MARVELD2: variants seen among roughly 807,000 people sequenced by gnomAD.
MARVELD2 encodes MARVEL domain containing 2.
Under a neutral mutation model 57.6 loss-of-function variants are expected in MARVELD2, and 49 were observed. The observed-to-expected ratio is 0.85, with a 90% CI of 0.68 to 1.08. MARVELD2 has a LOEUF of 1.08. Ranked by LOEUF, MARVELD2 falls within the 50% of genes least tolerant of loss-of-function variation. MARVELD2 has a pLI of 0.00. For synonymous variants in MARVELD2, 238 were observed against 258.8 expected (o/e 0.92, Z 0.77); for missense variants, 606 against 701.1 (o/e 0.86, Z 1.53).
At position 69,444,024 on chromosome 5, in the gene MARVELD2, G is replaced by GAAAAAAAAAAAAAAAAAAAAAAAAAAA. The variant is rs1767401077; in HGVS notation, c.*2370_*2371insAAAAAAAAAAAAAAAAAAAAAAAAAAA. 1 of 25,868 alleles carries GAAAAAAAAAAAAAAAAAAAAAAAAAAA rather than the reference G, an allele frequency of 3.9e-5. No homozygotes were observed. Among genetic ancestry groups the GAAAAAAAAAAAAAAAAAAAAAAAAAAA allele is most frequent in the Admixed American group, 4.7e-4 (1 of 2,132 alleles). The allele number at this position is 25,868 out of a possible 1,614,324, so 1.6% of individuals were successfully genotyped here. A position where few individuals can be genotyped will look rare whatever the true frequency, so the allele number is the denominator to read the frequency against. On this transcript the variant is annotated 3_prime_UTR_variant, in exon 7 of 7. Transcript: ENST00000325631. ...ACCAGTGCTTTAAAAAAAAAAAAAG[G>GAAAAAAAAAAAAAAAAAAAAAAAAAAA]TAAAATATTACCATTTTGATAGACT...
At position 69,419,339 on chromosome 5, in the gene MARVELD2, A is replaced by C. The variant is rs576222665; in HGVS notation, c.-15-32A>C. The C allele has an allele frequency of 7.6e-5, 123 of 1,608,074 alleles. 1 individual carries two copies. In the South Asian group the frequency reaches 9.9e-4, roughly 13 times the overall value. ...GCATCATTGAGAGGATAAGTAACTA[A>C]TCATAAGTGATAACTTTAAATTTGG... On this transcript the variant is annotated intron_variant, in intron 1 of 6. Coordinates refer to ENST00000325631, the MANE Select transcript of MARVELD2 (RefSeq NM_001038603.3).
At chr5:69,421,950 A>G (rs1252974023) in intron 2 of MARVELD2, among the ~76,000 whole-genome samples, 9 of 152,074 alleles carry the variant, frequency 5.9e-5, no homozygotes, top group Admixed American at 5.2e-4. Context: ...TAATTCCCCA[A>G]ATTAATACTT....
At position 69,432,619 on chromosome 5, in the gene MARVELD2, T is replaced by C; in HGVS notation, c.1275T>C (p.Ser425=). The C allele has an allele frequency of 6.2e-7, 1 of 1,614,114 alleles. No individual in the cohort carries two copies. The highest frequency in any genetic ancestry group is 8.5e-7 in the Non-Finnish European group (1 of 1,180,018). The change falls in exon 4 of 7, where the codon AGT becomes AGC. Residue 425 remains serine (S), a synonymous_variant. Transcript: ENST00000325631. ...RTAKMKPELL[S]GHIPPGHIPK... is the part of the protein sequence containing the mutation. Reference sequence around the variant, plus strand: ...CAAAAATGAAACCTGAACTACTGAGTGGACACATCCCCCCAGGCCACATTC... The same window carrying C: ...CAAAAATGAAACCTGAACTACTGAGCGGACACATCCCCCCAGGCCACATTC...
intron 3 of MARVELD2, among the ~76,000 whole-genome samples, chr5:69,430,510 G>A (rs1023898857): frequency 2.0e-5 from 3 of 151,476 alleles, no homozygotes; most frequent in South Asian, 2.1e-4. Context: ...GCTACTGCAC[G>A]TGGCCTAGTT....
At chr5:69,434,128 G>A (rs760984546) in intron 5 of MARVELD2, among the ~76,000 whole-genome samples, 1 of 151,976 alleles carries the variant, frequency 6.6e-6, no homozygotes, top group Admixed American at 6.6e-5. Context: ...CCAGCAGTTA[G>A]CACCCCAGGC....
intron 3 of MARVELD2, among the ~76,000 whole-genome samples, chr5:69,427,574 A>C (rs1766829137): frequency 6.6e-6 from 1 of 152,128 alleles, no homozygotes; most frequent in Admixed American, 6.6e-5. Flanking sequence ...ATATTCATTC[A>C]GCCCATTTTT....
In MARVELD2 at chr5:69,432,447, C is replaced by T. The variant is rs917051078; in HGVS notation, c.1183-80C>T. ...TGAGCCACCCCACCTGATCTTCTTC[C>T]TCATTTTCTAAGAATGAATTCAGAG... On this transcript the variant is annotated intron_variant, in intron 3 of 6. Coordinates refer to ENST00000325631, the MANE Select transcript of MARVELD2 (RefSeq NM_001038603.3). 1.0e-5 allele frequency: 15 copies of T among 1,496,740 alleles called. No individual in the cohort carries two copies. The African/African-American group carries it at 1.8e-4, about 18-fold the overall frequency. 92.7% of individuals were successfully genotyped at this position (1,496,740 alleles called of 1,614,324 possible).
chr5:69,431,117 C>CT lies in MARVELD2; in HGVS notation c.1183-1395dup, dbSNP rs1316832807. On this transcript the variant is annotated intron_variant, in intron 3 of 6. Transcript: ENST00000325631. The stretch of plus-strand genomic sequence containing the variant: ...GCCTCAACCTCACTTCTTTTCTTTT[C>CT]TTTTTTTTTTTTTTTGAGACAGAGT... Among the ~76,000 whole-genome samples, 1,023 of 132,684 alleles carry CT rather than the reference C, an allele frequency of 7.7e-3. 4 individuals carry two copies. The highest frequency in any genetic ancestry group is 0.016 in the Middle Eastern group (4 of 258). 87.0% of individuals were successfully genotyped at this position (132,684 alleles called of 152,430 possible). A position where few individuals can be genotyped will look rare whatever the true frequency, so the allele number is the denominator to read the frequency against.
intron 5 of MARVELD2, among the ~76,000 whole-genome samples, chr5:69,439,062 CAAA>C (rs11315832): frequency 1.8e-4 from 16 of 89,236 alleles, no homozygotes; most frequent in Non-Finnish European, 1.6e-4. Flanking sequence ...GACCCTGTCT[CAAA>C]AAAAAAAAAA....
Position 69,441,737 on chromosome 5 carries a change from C to T in MARVELD2, c.*83C>T, listed in dbSNP as rs1767333943. 3 of 1,013,894 alleles carry T rather than the reference C, an allele frequency of 3.0e-6. No individual in the cohort carries two copies. Among genetic ancestry groups the T allele is most frequent in the Non-Finnish European group, 4.4e-6 (3 of 686,548 alleles). 62.8% of individuals were successfully genotyped at this position (1,013,894 alleles called of 1,614,324 possible). On this transcript the variant is annotated 3_prime_UTR_variant, in exon 7 of 7. Coordinates refer to ENST00000325631, the MANE Select transcript of MARVELD2 (RefSeq NM_001038603.3). The stretch of plus-strand genomic sequence containing the variant: ...TCGCTCTGTTACCCAGGCTGGAATG[C>T]AGTGGCACAATCTCGGCTCACTGCA...
chr5:69,424,867 A>G (rs1347643326), intron 3 of MARVELD2, among the ~76,000 whole-genome samples: 1 of 152,114 alleles, frequency 6.6e-6, no homozygotes, highest in African/African-American at 2.4e-5. Flanking sequence ...TCTACCAAAA[A>G]TACAAAAATT....
chr5:69,424,895 C>T (rs1420776787), intron 3 of MARVELD2, among the ~76,000 whole-genome samples: 1 of 152,010 alleles, frequency 6.6e-6, no homozygotes, highest in Non-Finnish European at 1.5e-5. Flanking sequence ...CGTGGTGGCA[C>T]ACGCCTGTAA....
At position 69,444,195 on chromosome 5, in the gene MARVELD2, A is replaced by T. The variant is rs2150937546; in HGVS notation, c.*2541A>T. On this transcript the variant is annotated 3_prime_UTR_variant, in exon 7 of 7. Transcript: ENST00000325631. ...GTTGTGGTCAATCCCTAGGTGCATT[A>T]AAGTTTCAGTCACCTGCCGTGTGTG... 6.6e-6 allele frequency: 1 copy of T among 152,250 alleles called. No individual in the cohort carries two copies. The highest frequency in any genetic ancestry group is 2.1e-4 in the South Asian group (1 of 4,828). The allele number at this position is 152,250 out of a possible 1,614,324, so 9.4% of individuals were successfully genotyped here. A position where few individuals can be genotyped will look rare whatever the true frequency, so the allele number is the denominator to read the frequency against.
chr5:69,416,209 A>G (rs1271672908), intron 1 of MARVELD2, among the ~76,000 whole-genome samples: 1 of 152,206 alleles, frequency 6.6e-6, no homozygotes, highest in Non-Finnish European at 1.5e-5. Context: ...TTGCTTCTAC[A>G]TTTCTTAGGA....
Position 69,420,077 on chromosome 5 carries a change from A to G in MARVELD2, c.692A>G (p.Tyr231Cys). The G allele has an allele frequency of 1.2e-6, 2 of 1,614,118 alleles. No homozygotes were observed. Among genetic ancestry groups the G allele is most frequent in the Non-Finnish European group, 1.7e-6 (2 of 1,180,024 alleles). Residue 231 changes from tyrosine to cysteine, a missense_variant, in exon 2 of 7, where the codon TAT (tyrosine) becomes TGT (cysteine). Coordinates refer to ENST00000325631, the MANE Select transcript of MARVELD2 (RefSeq NM_001038603.3). ...WYNLFGYSQP[Y>C]GMGGVGGLGS... Reference sequence around the variant, plus strand: ...AACTTGTTTGGATATTCACAACCGTATGGCATGGGAGGCGTTGGTGGATTG... The same window carrying G: ...AACTTGTTTGGATATTCACAACCGTGTGGCATGGGAGGCGTTGGTGGATTG...
At chr5:69,419,247 A>G (rs550392373) in intron 1 of MARVELD2, 124 bp from the exon 2 acceptor site, 1 of 1,000,948 alleles carries the variant, frequency 1.0e-6, no homozygotes, top group South Asian at 1.4e-5. Flanking sequence ...ATTTTTGTAT[A>G]TCATAATAAT....
chr5:69,431,107 C>G (rs1355783506), intron 3 of MARVELD2, among the ~76,000 whole-genome samples: 6 of 146,354 alleles, frequency 4.1e-5, no homozygotes, highest in African/African-American at 1.3e-4. Context: ...AACCTCACTT[C>G]TTTTCTTTTC....
At chr5:69,422,529 C>G (rs1316372351) in intron 2 of MARVELD2, among the ~76,000 whole-genome samples, 2 of 152,160 alleles carry the variant, frequency 1.3e-5, no homozygotes, top group Admixed American at 6.6e-5. Flanking sequence ...TTGGTCAGAC[C>G]AGTTGTCTGC....
intron 3 of MARVELD2, among the ~76,000 whole-genome samples, chr5:69,425,665 C>A (rs1279672023): frequency 6.6e-6 from 1 of 151,328 alleles, no homozygotes; most frequent in African/African-American, 2.4e-5. Context: ...TCCTTCTCAC[C>A]TTGCTTTCAG....
Sources: gnomAD v4.1 joint callset for allele counts (sites outside exome capture counted in the v4.1 genomes callset) on GRCh38, gnomAD v4.1.1 for gene constraint, MANE v1.5 for transcripts, NCBI Gene and HGNC (gene_info 2026-07-23, HGNC 2026-07-21) for gene names.